The following TTBK1 variants were observed in gnomAD, a reference collection of about 807,000 sequenced individuals.
TTBK1 encodes tau-tubulin kinase 1.
A neutral mutation model predicts 108.5 loss-of-function variants in TTBK1; 34 were observed. The observed-to-expected ratio is 0.31, with a 90% CI of 0.24 to 0.42. The LOEUF (loss-of-function observed/expected upper bound fraction) is 0.42. TTBK1 is among the 10% of genes least tolerant of loss of function. The pLI is 1.00. For missense variants in TTBK1, 1,539 were observed against 1,826.0 expected, an observed-to-expected ratio of 0.84 and a Z score of 2.86; for synonymous variants, 809 against 795.1, an observed-to-expected ratio of 1.02 and a Z score of -0.29.
chr6:43,272,441 T>C (rs533084439), intron 13 of TTBK1: 30 of 985,440 alleles, frequency 3.0e-5, no homozygotes, highest in African/African-American at 1.9e-4. Flanking sequence ...AGATCCAGCA[T>C]TGAGAAGGCG....
intron 13 of TTBK1, chr6:43,270,809 T>G: frequency 3.0e-6 from 3 of 985,432 alleles, no homozygotes; most frequent in Non-Finnish European, 3.6e-6. Context: ...CTAAGGTGGT[T>G]GTTAAGGATG....
At position 43,282,563 on chromosome 6, in the gene TTBK1, G is replaced by A. The variant is rs1261192053; in HGVS notation, c.1987-164G>A. On this transcript the variant is annotated intron_variant, in intron 13 of 14. Coordinates refer to ENST00000259750, the MANE Select transcript of TTBK1 (RefSeq NM_032538.3). The surrounding 1 kb of genome is among the most constrained non-coding windows in gnomAD (Gnocchi z 5.4). Reference sequence around the variant, plus strand: ...GACCATTCTAGGCCCTGGGGACAGAGCAGTGAACAAGACAGACCCAGTGCC... The same window carrying A: ...GACCATTCTAGGCCCTGGGGACAGAACAGTGAACAAGACAGACCCAGTGCC... 6.6e-6 allele frequency among the ~76,000 whole-genome samples: 1 copy of A among 152,218 alleles called. No individual in the cohort carries two copies. Among genetic ancestry groups the A allele is most frequent in the Non-Finnish European group, 1.5e-5 (1 of 68,032 alleles).
At chr6:43,278,771 A>G (rs1303462043) in intron 13 of TTBK1, among the ~76,000 whole-genome samples, 8 of 152,316 alleles carry the variant, frequency 5.3e-5, no homozygotes, top group Admixed American at 5.2e-4. Context: ...AGAGGCAGGG[A>G]GACGGTTAGG....
At chr6:43,272,184 AGCAG>A in intron 13 of TTBK1, 1 of 985,382 alleles carries the variant, frequency 1.0e-6, no homozygotes, top group Non-Finnish European at 1.2e-6. Flanking sequence ...ATAAGTCAGC[AGCAG>A]TGTGGGCAAG....
rs949398604 is a variant in TTBK1, at chr6:43,269,988, G to C, written c.1986+6638G>C. On this transcript the variant is annotated intron_variant, in intron 13 of 14. Transcript: ENST00000259750. The surrounding 1 kb of genome is among the most constrained non-coding windows in gnomAD (Gnocchi z 4.8). ...CCCCTCCTGGAGGGGGCAGGTGGGG[G>C]GGGGTGGGGAGCAGGCAGAGGACCA... 2 of 1,429,658 alleles carry C rather than the reference G, an allele frequency of 1.4e-6. No homozygotes were observed. Among genetic ancestry groups the C allele is most frequent in the East Asian group, 2.6e-5 (1 of 39,118 alleles). 88.6% of individuals were successfully genotyped at this position (1,429,658 alleles called of 1,614,324 possible).
Position 43,259,169 on chromosome 6 carries a change from G to T in TTBK1, c.1148G>T (p.Gly383Val). The T allele has an allele frequency of 1.2e-6, 2 of 1,613,076 alleles. No homozygotes were observed. The highest frequency in any genetic ancestry group is 1.7e-6 in the Non-Finnish European group (2 of 1,179,406). ...CCCGGGAGGCCCTCTGAGGGGCTGGGCCCCAGTCCCCACCTTGTCCCCCAC... is the reference window on the plus strand; with the variant it reads ...CCCGGGAGGCCCTCTGAGGGGCTGGTCCCCAGTCCCCACCTTGTCCCCCAC... ...ILPGRPSEGL[G>V]PSPHLVPHPG... is the part of the protein sequence containing the mutation. The change falls in exon 11 of 15, where the codon GGC becomes GTC. Residue 383 changes from glycine to valine, a missense_variant. Around this residue, in one of 5 missense-constraint regions of TTBK1, gnomAD observed 277 missense variants for 332.4 expected, o/e 0.83. Transcript: ENST00000259750. This position sits in a 1 kb window ranked among gnomAD's most constrained non-coding sequence, Gnocchi z 6.7.
At chr6:43,260,942 A>AAC (rs747858530) in intron 12 of TTBK1, among the ~76,000 whole-genome samples, 78 of 150,848 alleles carry the variant, frequency 5.2e-4, no homozygotes, top group African/African-American at 1.4e-3. Context: ...CACACATGCA[A>AAC]ACACACACAC....
chr6:43,249,973 T>C (rs1777193228), intron 2 of TTBK1, among the ~76,000 whole-genome samples: 1 of 145,616 alleles, frequency 6.9e-6, no homozygotes, highest in Non-Finnish European at 1.5e-5. Context: ...CAGCCCTAGC[T>C]GTGGTGCAAG....
At chr6:43,281,773 G>A (rs750636788) in intron 13 of TTBK1, among the ~76,000 whole-genome samples, 6 of 152,284 alleles carry the variant, frequency 3.9e-5, no homozygotes, top group Non-Finnish European at 8.8e-5. Context: ...CGTCAGCACC[G>A]TCCCACCATG....
At chr6:43,271,101 T>C in intron 13 of TTBK1, 2 of 985,464 alleles carry the variant, frequency 2.0e-6, no homozygotes, top group Non-Finnish European at 2.4e-6. Flanking sequence ...CCTTTATTCA[T>C]CCTGCCCATG....
chr6:43,282,990 A>AGAAGAG lies in TTBK1; in HGVS notation c.2255_2256insGGAAGA (p.Glu770_Glu771dup), dbSNP rs1562100191. ...AGGAAGAGGAAGAAGAGGATGAGGA[A>AGAAGAG]GAAGAAGAGGAGGAAGAGGAAGAGG... On this transcript the variant is annotated inframe_insertion, in exon 14 of 15. Coordinates refer to ENST00000259750, the MANE Select transcript of TTBK1 (RefSeq NM_032538.3). The surrounding 1 kb of genome is among the most constrained non-coding windows in gnomAD (Gnocchi z 5.4). 1.9e-6 allele frequency: 2 copies of AGAAGAG among 1,049,946 alleles called. No homozygotes were observed. The highest frequency in any genetic ancestry group is 3.5e-5 in the South Asian group (2 of 56,592). 65.0% of individuals were successfully genotyped at this position (1,049,946 alleles called of 1,614,324 possible).
At position 43,262,834 on chromosome 6, in the gene TTBK1, C is replaced by A; in HGVS notation, c.1470C>A (p.Ser490=). ...LPGSPSRQAC[S]SQPAQMLSVD... Reference sequence around the variant, plus strand: ...GCTCGCCCTCGCGCCAGGCCTGCTCCTCTCAGCCAGCCCAGATGCTGTCAG... The same window carrying A: ...GCTCGCCCTCGCGCCAGGCCTGCTCATCTCAGCCAGCCCAGATGCTGTCAG... The change falls in exon 13 of 15, where the codon TCC becomes TCA. Residue 490 remains serine (S), a synonymous_variant. Coordinates refer to ENST00000259750, the MANE Select transcript of TTBK1 (RefSeq NM_032538.3). 6.2e-7 allele frequency: 1 copy of A among 1,600,532 alleles called. No homozygotes were observed. Among genetic ancestry groups the A allele is most frequent in the East Asian group, 2.2e-5 (1 of 44,524 alleles).
intron 14 of TTBK1, 97 bp downstream of exon 14, chr6:43,284,409 A>G (rs1778302025): frequency 1.4e-6 from 2 of 1,436,800 alleles, no homozygotes; most frequent in Admixed American, 2.8e-5. Flanking sequence ...GCTATGGAAG[A>G]TCAGGAGGGA....
In TTBK1 at chr6:43,282,835, G is replaced by A; in HGVS notation, c.2095G>A (p.Ala699Thr). The change falls in exon 14 of 15, where the codon GCG becomes ACG. Residue 699 changes from alanine (A) to threonine (T), a missense_variant. Ala to Thr is a moderately conservative substitution (Grantham distance 58, BLOSUM62 0). This residue lies in a region of TTBK1 where 1,055 missense variants were observed against 1,086.5 expected (regional missense o/e 0.97). Transcript: ENST00000259750. The surrounding 1 kb of genome is among the most constrained non-coding windows in gnomAD (Gnocchi z 5.4). ...AGACCTCTCCGATTACCGAGAACGGGCGCGGTTGCTCAACAGGGTCCGGAG... is the reference window on the plus strand; with the variant it reads ...AGACCTCTCCGATTACCGAGAACGGACGCGGTTGCTCAACAGGGTCCGGAG... ...KRDLSDYRER[A>T]RLLNRVRRVG... is the part of the protein sequence containing the mutation. The A allele has an allele frequency of 6.2e-7, 1 of 1,614,088 alleles. No individual in the cohort carries two copies. The highest frequency in any genetic ancestry group is 8.5e-7 in the Non-Finnish European group (1 of 1,180,006).
Position 43,284,043 on chromosome 6 carries a change from G to A in TTBK1, c.3303G>A (p.Leu1101=). 7 of 1,547,714 alleles carry A rather than the reference G, an allele frequency of 4.5e-6. No homozygotes were observed. Among genetic ancestry groups the A allele is most frequent in the Non-Finnish European group, 6.1e-6 (7 of 1,145,044 alleles). ...TGATGGAGAAGAGGCAGGGCCGCCT[G>A]CTGTTGCGGCTGGCCTCAGGGGCCT... ...RLVMEKRQGR[L]LLRLASGASS... Residue 1101 remains leucine, a synonymous_variant, in exon 14 of 15, where the codon CTG becomes CTA. Coordinates refer to ENST00000259750, the MANE Select transcript of TTBK1 (RefSeq NM_032538.3).
Position 43,257,432 on chromosome 6 carries a change from GAGGGGCGCCCCAGC to G in TTBK1, c.862-377_862-364del, listed in dbSNP as rs1777410509. Among the ~76,000 whole-genome samples, 4 of 152,280 alleles carry G rather than the reference GAGGGGCGCCCCAGC, an allele frequency of 2.6e-5. No individual in the cohort carries two copies. The South Asian group carries it at 8.3e-4, about 32-fold the overall frequency. On this transcript the variant is annotated intron_variant, in intron 9 of 14. Coordinates refer to ENST00000259750, the MANE Select transcript of TTBK1 (RefSeq NM_032538.3). This position sits in a 1 kb window ranked among gnomAD's most constrained non-coding sequence, Gnocchi z 4.5. The stretch of plus-strand genomic sequence containing the variant: ...GCTGCAGAGAGGAGAGGATGAGTGG[GAGGGGCGCCCCAGC>G]AGAGGGGCAGTCTGTGCAGAGGCAG...
chr6:43,283,755 C>A lies in TTBK1; in HGVS notation c.3015C>A (p.Thr1005=). 2 of 1,613,806 alleles carry A rather than the reference C, an allele frequency of 1.2e-6. No individual in the cohort carries two copies. Among genetic ancestry groups the A allele is most frequent in the South Asian group, 1.1e-5 (1 of 91,088 alleles). Residue 1005 remains threonine (T), a synonymous_variant, in exon 14 of 15, where the codon ACC becomes ACA. Transcript: ENST00000259750. This position sits in a 1 kb window ranked among gnomAD's most constrained non-coding sequence, Gnocchi z 8.1. ...CCCTGTCTGGGGCCCCCCGGGAAAC[C>A]CCCTCAGAGATGGCCACAAACTCAC... ...GSALSGAPRE[T]PSEMATNSLP...
chr6:43,285,372 G>A lies in TTBK1; in HGVS notation c.3962G>A (p.Arg1321Lys). ...GGCGCGGAGGGCCGGGCTGGGGCCA[G>A]ATAATGACGCCCGCTGCTCTCCGCG... ...AGGAEGRAGAR is the reference protein window; with the variant it reads ...AGGAEGRAGAK Residue 1321 changes from arginine (R) to lysine (K), a missense_variant, in exon 15 of 15, where the codon AGA becomes AAA. Physicochemically the swap from Arg to Lys is conservative, Grantham distance 26. This residue lies in a region of TTBK1 where 1,055 missense variants were observed against 1,086.5 expected (regional missense o/e 0.97). Transcript: ENST00000259750. This position sits in a 1 kb window ranked among gnomAD's most constrained non-coding sequence, Gnocchi z 4.7. The A allele has an allele frequency of 7.8e-7, 1 of 1,277,972 alleles. No individual in the cohort carries two copies. Among genetic ancestry groups the A allele is most frequent in the Non-Finnish European group, 9.8e-7 (1 of 1,017,290 alleles). 79.2% of individuals were successfully genotyped at this position (1,277,972 alleles called of 1,614,324 possible).
chr6:43,283,215 G>C lies in TTBK1; in HGVS notation c.2475G>C (p.Gly825=). 3 of 1,551,882 alleles carry C rather than the reference G, an allele frequency of 1.9e-6. No homozygotes were observed. Among genetic ancestry groups the C allele is most frequent in the Non-Finnish European group, 2.6e-6 (3 of 1,148,096 alleles). The change falls in exon 14 of 15, where the codon GGG becomes GGC. Residue 825 remains glycine, a synonymous_variant. Transcript: ENST00000259750. This position sits in a 1 kb window ranked among gnomAD's most constrained non-coding sequence, Gnocchi z 8.1. ...GGGGCCGGGCCTCCATGGCCGATGG[G>C]GACCTGGAGCCTGAGGAGGGCTCCA... The part of the protein sequence containing the change: ...ESRGRASMAD[G]DLEPEEGSKT...
Sources: allele counts gnomAD v4.1 joint callset (sites outside exome capture counted in the v4.1 genomes callset), GRCh38; gene constraint gnomAD v4.1.1; regional missense constraint gnomAD v4.1.1; non-coding constraint Gnocchi (gnomAD v3.1); transcripts MANE v1.5; gene names NCBI Gene and HGNC (gene_info 2026-07-23, HGNC 2026-07-21).